The following TADA2A variants were observed in gnomAD, a reference collection of about 807,000 sequenced individuals.
TADA2A encodes the protein transcriptional adapter 2-alpha.
Under a neutral mutation model 67.4 loss-of-function variants are expected in TADA2A, and 38 were observed. The observed-to-expected ratio is 0.56, with a 90% CI of 0.44 to 0.74. The LOEUF (loss-of-function observed/expected upper bound fraction) is 0.74, where lower values mean the gene tolerates loss of function less well. TADA2A is among the 30% of genes least tolerant of loss of function. The pLI is 0.00. For missense variants in TADA2A, 454 were observed against 547.0 expected, an observed-to-expected ratio of 0.83 and a Z score of 1.70; for synonymous variants, 192 against 181.6, an observed-to-expected ratio of 1.06 and a Z score of -0.46.
Position 37,435,380 on chromosome 17 carries a change from C to G in TADA2A, c.193-2358C>G, listed in dbSNP as rs536350287. Among the ~76,000 whole-genome samples, 3 of 152,290 alleles carry G rather than the reference C, an allele frequency of 2.0e-5. No homozygotes were observed. The East Asian group carries it at 5.8e-4, about 29-fold the overall frequency. On this transcript the variant is annotated intron_variant, in intron 4 of 15. Transcript: ENST00000615182. ...CTCGGCTCACCGCAAGCTCCACCTC[C>G]CGGGTTCACGCCATTCTCCTGCCTC... is the stretch of plus-strand genomic sequence containing the variant.
chr17:37,439,685 CTTAAA>C (rs565744837), intron 5 of TADA2A, among the ~76,000 whole-genome samples: 334 of 152,256 alleles, frequency 2.2e-3, no homozygotes, highest in African/African-American at 7.7e-3. Flanking sequence ...CTAGGTTTAA[CTTAAA>C]TTCTGTTGTG....
intron 2 of TADA2A, among the ~76,000 whole-genome samples, chr17:37,413,214 A>G (rs917219530): frequency 3.3e-5 from 5 of 152,156 alleles, no homozygotes; most frequent in Non-Finnish European, 5.9e-5. Context: ...AGCGTGAGCC[A>G]CCGCTCCCGG....
At chr17:37,467,616 A>T (rs1038726231) in intron 12 of TADA2A, 91 bp downstream of exon 12, 42 of 1,155,974 alleles carry the variant, frequency 3.6e-5, no homozygotes, top group African/African-American at 6.3e-5. Flanking sequence ...ATTTTTTTTT[A>T]AAAAACAAGC....
At chr17:37,462,057 T>G (rs756924429) in intron 9 of TADA2A, 21 bp from the exon 10 acceptor site, 3 of 1,545,696 alleles carry the variant, frequency 1.9e-6, no homozygotes, top group Non-Finnish European at 2.7e-6. Flanking sequence ...ATGCACAAAT[T>G]ATTGTGGCTT....
intron 6 of TADA2A, among the ~76,000 whole-genome samples, chr17:37,441,588 T>G (rs1040252188): frequency 3.9e-5 from 6 of 152,234 alleles, no homozygotes; most frequent in African/African-American, 1.4e-4. Context: ...GATATGAATG[T>G]TTTCACTTCC....
At chr17:37,431,979 C>T (rs1248585478) in intron 4 of TADA2A, among the ~76,000 whole-genome samples, 2 of 152,050 alleles carry the variant, frequency 1.3e-5, no homozygotes, top group East Asian at 1.9e-4. Flanking sequence ...TCACATTCCC[C>T]GTCATTTCAT....
Position 37,479,341 on chromosome 17 carries a change from G to C in TADA2A, c.*2359G>C, listed in dbSNP as rs935765513. The C allele has an allele frequency of 1.3e-5, 2 of 152,180 alleles. No individual in the cohort carries two copies. The highest frequency in any genetic ancestry group is 4.8e-5 in the African/African-American group (2 of 41,424). 9.4% of individuals were successfully genotyped at this position (152,180 alleles called of 1,614,324 possible). A position where few individuals can be genotyped will look rare whatever the true frequency, so the allele number is the denominator to read the frequency against. ...TCTGACAGAAACCTTGGAAACAGTT[G>C]AACTCTGAAAAGCTGATGGCAAATC... On this transcript the variant is annotated 3_prime_UTR_variant, in exon 16 of 16. Transcript: ENST00000615182.
rs1008969550 is a variant in TADA2A at position 37,423,491 on chromosome 17, G to C, written c.26-18G>C. The C allele has an allele frequency of 3.2e-6, 5 of 1,582,642 alleles. No homozygotes were observed. In the African/African-American group the frequency reaches 5.4e-5, roughly 17 times the overall value. On this transcript the variant is annotated intron_variant, in intron 2 of 15. Coordinates refer to ENST00000615182, the MANE Select transcript of TADA2A (RefSeq NM_001166105.3). ...GTAAGGTGGTCTGAAATGTGCATTT[G>C]TTTTCTGTTTGTTCTAGATGATCCC...
intron 14 of TADA2A, among the ~76,000 whole-genome samples, chr17:37,473,127 A>ATTTTTTTTTTT: frequency 1.2e-5 from 1 of 85,676 alleles, no homozygotes; most frequent in Non-Finnish European, 2.2e-5. Flanking sequence ...ACCTGGAGAA[A>ATTTTTTTTTTT]TTTTTTTTTT....
chr17:37,424,114 G>T (rs1475424506), intron 3 of TADA2A, among the ~76,000 whole-genome samples: 2 of 152,096 alleles, frequency 1.3e-5, no homozygotes, highest in Non-Finnish European at 2.9e-5. Flanking sequence ...GAGACAGACT[G>T]TTGATTAGTC....
intron 4 of TADA2A, among the ~76,000 whole-genome samples, chr17:37,435,182 C>T (rs908071283): frequency 2.0e-5 from 3 of 152,212 alleles, no homozygotes; most frequent in African/African-American, 7.2e-5. Flanking sequence ...TTTCAATGAA[C>T]GATGTTAGGA....
At chr17:37,437,701 G>C in intron 4 of TADA2A, 37 bp from the exon 5 acceptor site, 2 of 1,593,006 alleles carry the variant, frequency 1.3e-6, no homozygotes, top group Non-Finnish European at 1.7e-6. Flanking sequence ...GATTCCATTT[G>C]TATCTCTGTT....
At chr17:37,428,028 A>G (rs1347171327) in intron 4 of TADA2A, among the ~76,000 whole-genome samples, 2 of 152,108 alleles carry the variant, frequency 1.3e-5, no homozygotes, top group African/African-American at 4.8e-5. Flanking sequence ...TATTAAGCAT[A>G]TAACTAAATC....
chr17:37,447,122 C>T (rs557916220), intron 8 of TADA2A, among the ~76,000 whole-genome samples: 1 of 152,322 alleles, frequency 6.6e-6, no homozygotes, highest in Admixed American at 6.5e-5. Flanking sequence ...TTCTTTCCCT[C>T]TGCCCCATAG....
At chr17:37,465,583 A>G (rs191536856) in intron 11 of TADA2A, 42 bp downstream of exon 11, 3 of 1,611,762 alleles carry the variant, frequency 1.9e-6, no homozygotes, top group East Asian at 2.2e-5. Context: ...GTGTGTGTAT[A>G]TTTATATAAA....
At chr17:37,407,711 C>G (rs2051646839) in intron 1 of TADA2A, among the ~76,000 whole-genome samples, 1 of 151,944 alleles carries the variant, frequency 6.6e-6, no homozygotes, top group South Asian at 2.1e-4. Context: ...CTCCCAGGCT[C>G]AAGCGATTCT....
intron 3 of TADA2A, among the ~76,000 whole-genome samples, chr17:37,424,516 A>G (rs938092539): frequency 6.6e-6 from 1 of 151,714 alleles, no homozygotes; most frequent in African/African-American, 2.4e-5. Context: ...CTCTGTATCA[A>G]AAAACAAACA....
chr17:37,411,251 A>T lies in TADA2A; in HGVS notation c.-97-18A>T. 1.1e-6 allele frequency: 1 copy of T among 906,108 alleles called. No individual in the cohort carries two copies. The highest frequency in any genetic ancestry group is 1.8e-6 in the Non-Finnish European group (1 of 550,640). 56.1% of individuals were successfully genotyped at this position (906,108 alleles called of 1,614,324 possible). On this transcript the variant is annotated intron_variant, in intron 1 of 15. Transcript: ENST00000615182. ...TGAATGATTTTCTGATCCATGTGCC[A>T]CTTTTGTTTGTTCCTAGGGAGTCAT...
chr17:37,474,062 C>G (rs2053845412), intron 14 of TADA2A, among the ~76,000 whole-genome samples: 1 of 152,148 alleles, frequency 6.6e-6, no homozygotes, highest in African/African-American at 2.4e-5. Context: ...ATTTTAGAGT[C>G]TCCTACATGG....
Sources: gnomAD v4.1 joint callset for allele counts (sites outside exome capture counted in the v4.1 genomes callset) on GRCh38, gnomAD v4.1.1 for gene constraint, MANE v1.5 for transcripts, NCBI Gene and HGNC (gene_info 2026-07-23, HGNC 2026-07-21) for gene names.